The following TP63 variants were observed in gnomAD, a reference collection of about 807,000 sequenced individuals.
TP63 encodes the protein tumor protein 63.
A neutral mutation model predicts 82.8 loss-of-function variants in TP63; 17 were observed. That is an observed-to-expected ratio of 0.21 (90% confidence interval 0.14 to 0.31). The LOEUF is 0.31. TP63 is among the 10% of genes least tolerant of loss of function. The pLI, the probability that TP63 is intolerant of heterozygous loss-of-function variation, is 1.00. For synonymous variants in TP63, 330 were observed against 321.7 expected (o/e 1.03, Z -0.28); for missense variants, 648 against 895.3 (o/e 0.72, Z 3.52).
In TP63 at chr3:189,861,468, A is replaced by G. The variant is rs376340786; in HGVS notation, c.580-2764A>G. Among the ~76,000 whole-genome samples, 79 of 152,234 alleles carry G rather than the reference A, an allele frequency of 5.2e-4. No individual in the cohort carries two copies. In the East Asian group the frequency reaches 0.012, roughly 24 times the overall value. On this transcript the variant is annotated intron_variant, in intron 4 of 13. Coordinates refer to ENST00000264731, the MANE Select transcript of TP63 (RefSeq NM_003722.5). ...GGGTAGGGGGAATTAGAGATAGATA[A>G]GGCCATAATACAGAGGGCCTCATAA... is the stretch of plus-strand genomic sequence containing the variant.
chr3:189,678,611 T>C (rs2108687026), intron 1 of TP63, among the ~76,000 whole-genome samples: 1 of 152,234 alleles, frequency 6.6e-6, no homozygotes, highest in South Asian at 2.1e-4. Context: ...TTTTTTCTAA[T>C]TCTGTGAAAA....
Position 189,808,344 on chromosome 3 carries a change from C to T in TP63, c.397C>T (p.Pro133Ser), listed in dbSNP as rs776290495. The stretch of plus-strand genomic sequence containing the variant: ...TCAGAACGGCTCCTCGTCCACCAGT[C>T]CCTATAACACAGACCACGCGCAGAA... Reference protein sequence around the residue: ...QIQNGSSSTSPYNTDHAQNSV... With the variant: ...QIQNGSSSTSSYNTDHAQNSV... The change falls in exon 4 of 14, where the codon CCC becomes TCC. Residue 133 changes from proline to serine, a missense_variant. This residue lies in a region of TP63 where 182 missense variants were observed against 213.6 expected (regional missense o/e 0.85). Transcript: ENST00000264731. The T allele has an allele frequency of 6.8e-6, 11 of 1,614,226 alleles. No individual in the cohort carries two copies. The highest frequency in any genetic ancestry group is 6.7e-5 in the Admixed American group (4 of 60,034).
chr3:189,816,148 CAGAT>C (rs1259530152), intron 4 of TP63, among the ~76,000 whole-genome samples: 1 of 152,168 alleles, frequency 6.6e-6, no homozygotes, highest in African/African-American at 2.4e-5. Context: ...AGCTTACTAA[CAGAT>C]AGCTTACTTT....
chr3:189,600,950 T>C, the TP63 span, among the ~76,000 whole-genome samples: 1 of 152,242 alleles, frequency 6.6e-6, no homozygotes, highest in African/African-American at 2.4e-5. Context: ...CTTTGCTATA[T>C]AGAGAAACTA....
chr3:189,660,342 A>G (rs1453547663), intron 1 of TP63, among the ~76,000 whole-genome samples: 1 of 152,022 alleles, frequency 6.6e-6, no homozygotes, highest in Non-Finnish European at 1.5e-5. Flanking sequence ...ATTTTGTCAA[A>G]GATCATATGG....
Position 189,873,015 on chromosome 3 carries a change from AT to A in TP63, c.1349+24del. ...GAAACAGTGAGTGTATCAACGTGTC[AT>A]TTTAGGAGGCATGAGTGAGGGTGAC... On this transcript the variant is annotated intron_variant, in intron 10 of 13. Transcript: ENST00000264731. The A allele has an allele frequency of 6.2e-7, 1 of 1,614,126 alleles. No homozygotes were observed. Among genetic ancestry groups the A allele is most frequent in the Non-Finnish European group, 8.5e-7 (1 of 1,179,978 alleles).
intron 1 of TP63, among the ~76,000 whole-genome samples, chr3:189,658,579 T>G (rs1713595812): frequency 6.6e-6 from 1 of 152,048 alleles, no homozygotes; most frequent in African/African-American, 2.4e-5. Flanking sequence ...CTTGGTTTTC[T>G]TTTAAAAATC....
chr3:189,813,474 A>G (rs1727803635), intron 4 of TP63, among the ~76,000 whole-genome samples: 1 of 152,108 alleles, frequency 6.6e-6, no homozygotes, highest in South Asian at 2.1e-4. Flanking sequence ...TTCTTGGTGA[A>G]CATAGTTCAG....
the TP63 span, among the ~76,000 whole-genome samples, chr3:189,601,229 C>T: frequency 6.6e-6 from 1 of 152,092 alleles, no homozygotes; most frequent in African/African-American, 2.4e-5. Context: ...CTGAGAATTT[C>T]GCGGGGAGAG....
At chr3:189,817,054 C>A (rs56197129) in intron 4 of TP63, among the ~76,000 whole-genome samples, 21,094 of 151,536 alleles carry the variant, frequency 0.14, 1,608 homozygotes, top group Middle Eastern at 0.2. Context: ...ATCAGAAAGG[C>A]CTGAAAACAG....
At chr3:189,837,852 T>C (rs1163881662) in intron 4 of TP63, among the ~76,000 whole-genome samples, 1 of 152,136 alleles carries the variant, frequency 6.6e-6, no homozygotes, top group African/African-American at 2.4e-5. Context: ...CTGGAACTCC[T>C]GGGCTTAAGC....
rs146612442 is a variant in TP63 at position 189,808,445 on chromosome 3, C to T, written c.498C>T (p.Pro166=). 103 of 1,614,204 alleles carry T rather than the reference C, an allele frequency of 6.4e-5. No homozygotes were observed. The African/African-American group carries it at 1.3e-3, about 20-fold the overall frequency. The change falls in exon 4 of 14, where the codon CCC becomes CCT. Residue 166 remains proline, a synonymous_variant. Transcript: ENST00000264731. Reference sequence around the variant, plus strand: ...CTCTCTCTCCATCACCCGCCATCCCCTCCAACACCGACTACCCAGGCCCGC... The same window carrying T: ...CTCTCTCTCCATCACCCGCCATCCCTTCCAACACCGACTACCCAGGCCCGC... ...FDALSPSPAI[P]SNTDYPGPHS... is the part of the protein sequence containing the mutation.
intron 1 of TP63, among the ~76,000 whole-genome samples, chr3:189,681,883 C>A (rs1399901468): frequency 2.0e-5 from 3 of 152,290 alleles, no homozygotes; most frequent in East Asian, 3.9e-4. Flanking sequence ...CAGGCAATCA[C>A]CTTTTACACA....
chr3:189,630,167 A>G (rs1194747512), upstream of TP63, among the ~76,000 whole-genome samples: 1 of 152,194 alleles, frequency 6.6e-6, no homozygotes, highest in Non-Finnish European at 1.5e-5. Context: ...AATTTCTCTG[A>G]AAGGGCTTTA....
At chr3:189,693,834 TA>T (rs1717135692) in intron 1 of TP63, among the ~76,000 whole-genome samples, 1 of 152,168 alleles carries the variant, frequency 6.6e-6, no homozygotes, top group Non-Finnish European at 1.5e-5. Flanking sequence ...TAGGTGGTGA[TA>T]ACAAAGATAA....
chr3:189,764,283 C>T (rs1457893875), intron 3 of TP63, among the ~76,000 whole-genome samples: 1 of 152,164 alleles, frequency 6.6e-6, no homozygotes, highest in Non-Finnish European at 1.5e-5. Flanking sequence ...TTCAGTCTAA[C>T]GAGGAATACA....
In TP63 at chr3:189,705,108, T is replaced by A. The variant is rs375559611; in HGVS notation, c.63-32632T>A. 5.3e-5 allele frequency among the ~76,000 whole-genome samples: 8 copies of A among 152,332 alleles called. No individual in the cohort carries two copies. The East Asian group carries it at 1.3e-3, about 26-fold the overall frequency. On this transcript the variant is annotated intron_variant, in intron 1 of 13. Transcript: ENST00000264731. ...ATAAATAACATGTCATCATTAAAAA[T>A]CCAATTTAGCAACTAACAACCCAGG... is the stretch of plus-strand genomic sequence containing the variant.
At chr3:189,635,222 T>C (rs1729700894) in intron 1 of TP63, among the ~76,000 whole-genome samples, 2 of 152,256 alleles carry the variant, frequency 1.3e-5, no homozygotes, top group East Asian at 1.9e-4. Flanking sequence ...GTTTTTTGTG[T>C]GTGAATTACA....
At chr3:189,890,067 A>T (rs1478577099) in intron 12 of TP63, among the ~76,000 whole-genome samples, 3 of 152,258 alleles carry the variant, frequency 2.0e-5, no homozygotes, top group Non-Finnish European at 4.4e-5. Context: ...TTTGCTTCCC[A>T]CAGAGGCAAG....
Sources: gnomAD v4.1 joint callset for allele counts (sites outside exome capture counted in the v4.1 genomes callset) on GRCh38, gnomAD v4.1.1 for gene constraint, gnomAD v4.1.1 regional missense constraint, MANE v1.5 for transcripts, NCBI Gene and HGNC (gene_info 2026-07-23, HGNC 2026-07-21) for gene names.